YBX1: variants seen among roughly 807,000 people sequenced by gnomAD.
The protein encoded by YBX1 is Y-box binding protein 1, also known as Y-box-binding protein 1.
Under a neutral mutation model 41.4 loss-of-function variants are expected in YBX1, and 3 were observed. The observed-to-expected ratio is 0.07, with a 90% CI of 0.03 to 0.19. YBX1 has a LOEUF of 0.19. Among genes scored for constraint, YBX1 ranks in the 10% least tolerant of loss-of-function variants. YBX1 has a pLI of 1.00. For synonymous variants in YBX1, 133 were observed against 165.8 expected (o/e 0.80, Z 1.52); for missense variants, 274 against 462.8 (o/e 0.59, Z 3.74).
chr1:42,686,572 G>A (rs962090194), intron 2 of YBX1, among the ~76,000 whole-genome samples: 1 of 152,182 alleles, frequency 6.6e-6, no homozygotes, highest in Non-Finnish European at 1.5e-5. Flanking sequence ...AATAAACCAA[G>A]CCAGGGAAAG....
chr1:42,683,152 G>T, intron 1 of YBX1: 1 of 643,362 alleles, frequency 1.6e-6, no homozygotes, highest in Non-Finnish European at 2.8e-6. Flanking sequence ...CGTGCTCTCC[G>T]TCCGCGGCCT....
chr1:42,692,069 C>G (rs1650353550), intron 2 of YBX1, among the ~76,000 whole-genome samples: 2 of 152,204 alleles, frequency 1.3e-5, no homozygotes, highest in Admixed American at 1.3e-4. Flanking sequence ...CCAGGCTGAT[C>G]TTGAACTCTT....
intron 6 of YBX1, 33 bp from the exon 7 acceptor site, chr1:42,700,748 T>TA (rs1361819622): frequency 6.4e-7 from 1 of 1,574,428 alleles, no homozygotes; most frequent in African/African-American, 1.4e-5. Context: ...GAGAAGGTTT[T>TA]ATCATTCTTA....
chr1:42,688,274 T>A (rs1650246575), intron 2 of YBX1, among the ~76,000 whole-genome samples: 1 of 152,164 alleles, frequency 6.6e-6, no homozygotes, highest in Non-Finnish European at 1.5e-5. Flanking sequence ...GTTTGGAGAT[T>A]TGCAACAACC....
At chr1:42,683,155 C>T (rs563853666) in intron 1 of YBX1, 3 of 646,314 alleles carry the variant, frequency 4.6e-6, no homozygotes, top group East Asian at 6.4e-5. Context: ...GCTCTCCGTC[C>T]GCGGCCTGCG....
intron 2 of YBX1, among the ~76,000 whole-genome samples, chr1:42,683,778 G>C (rs1164598088): frequency 6.6e-6 from 1 of 152,158 alleles, no homozygotes. Context: ...GGGAAACTAC[G>C]GTCCAGTACA....
rs762672097 is a variant in YBX1, at chr1:42,683,406, C to T, written c.170C>T (p.Thr57Met). 6.2e-7 allele frequency: 1 copy of T among 1,614,178 alleles called. No homozygotes were observed. The highest frequency in any genetic ancestry group is 2.2e-5 in the East Asian group (1 of 44,884). Residue 57 changes from threonine to methionine, a missense_variant, in exon 2 of 8, where the codon ACG (threonine) becomes ATG (methionine). Thr to Met is a moderately conservative substitution (Grantham distance 81). This residue lies in a region of YBX1 where 84 missense variants were observed against 130.8 expected (regional missense o/e 0.64). Coordinates refer to ENST00000321358, the MANE Select transcript of YBX1 (RefSeq NM_004559.5). Reference sequence around the variant, plus strand: ...TTTGCTTTGTTTTCTTTTCCAGCAACGAAGGTTTTGGGAACAGTAAAATGG... The same window carrying T: ...TTTGCTTTGTTTTCTTTTCCAGCAATGAAGGTTTTGGGAACAGTAAAATGG... Reference protein sequence around the residue: ...PAGGDKKVIATKVLGTVKWFN... With the variant: ...PAGGDKKVIAMKVLGTVKWFN...
chr1:42,687,915 C>T (rs1322452605), intron 2 of YBX1, among the ~76,000 whole-genome samples: 3 of 152,168 alleles, frequency 2.0e-5, no homozygotes, highest in Non-Finnish European at 4.4e-5. Context: ...GGTTTAAAGA[C>T]TTTTCTGCAG....
chr1:42,683,104 A>G (rs1375151242), intron 1 of YBX1: 9 of 563,090 alleles, frequency 1.6e-5, no homozygotes, highest in Admixed American at 9.5e-5. Flanking sequence ...GGCGCGGCGC[A>G]CCGCCTACGC....
Position 42,682,577 on chromosome 1 carries a change from G to C in YBX1, c.12G>C (p.Glu4Asp), listed in dbSNP as rs928107101. The stretch of plus-strand genomic sequence containing the variant: ...CCATCACCGCAACCATGAGCAGCGA[G>C]GCCGAGACCCAGCAGCCGCCCGCCG... The part of the protein sequence containing the change: MSS[E>D]AETQQPPAAP... The change falls in exon 1 of 8, where the codon GAG becomes GAC. Residue 4 changes from glutamate (E) to aspartate (D), a missense_variant. Glu to Asp is a conservative substitution (Grantham distance 45). Coordinates refer to ENST00000321358, the MANE Select transcript of YBX1 (RefSeq NM_004559.5). 2.1e-6 allele frequency: 3 copies of C among 1,461,918 alleles called. No individual in the cohort carries two copies. The African/African-American group carries it at 4.4e-5, about 22-fold the overall frequency. 90.6% of individuals were successfully genotyped at this position (1,461,918 alleles called of 1,614,324 possible).
chr1:42,699,504 A>G (rs1482820356), intron 6 of YBX1, among the ~76,000 whole-genome samples: 2 of 151,318 alleles, frequency 1.3e-5, no homozygotes, highest in East Asian at 1.9e-4. Flanking sequence ...ATCTGGTTTG[A>G]TTTATCCAGA....
chr1:42,696,817 C>T lies in YBX1; in HGVS notation c.530C>T (p.Ala177Val), dbSNP rs754619915. Reference protein sequence around the residue: ...SGEKNEGSESAPEGQAQQRRP... With the variant: ...SGEKNEGSESVPEGQAQQRRP... ...GAAAAGAACGAGGGATCGGAGAGTG[C>T]TCCCGAAGGCCAGGCCCAACAACGC... Residue 177 changes from alanine to valine, a missense_variant, in exon 5 of 8, where the codon GCT (alanine) becomes GTT (valine). Ala to Val is a moderately conservative substitution (Grantham distance 64). Transcript: ENST00000321358. The surrounding 1 kb of genome is among the most constrained non-coding windows in gnomAD (Gnocchi z 5.7). The T allele has an allele frequency of 1.9e-6, 3 of 1,613,124 alleles. No homozygotes were observed. The South Asian group carries it at 3.3e-5, about 18-fold the overall frequency.
At chr1:42,683,874 A>G (rs1481411389) in intron 2 of YBX1, among the ~76,000 whole-genome samples, 1 of 152,100 alleles carries the variant, frequency 6.6e-6, no homozygotes, top group Non-Finnish European at 1.5e-5. Flanking sequence ...ATACATTGTT[A>G]ACGTTTTAGG....
chr1:42,683,704 G>A (rs879574132), intron 2 of YBX1, among the ~76,000 whole-genome samples: 14 of 152,208 alleles, frequency 9.2e-5, no homozygotes, highest in Admixed American at 8.5e-4. Flanking sequence ...AAAAGGCTTC[G>A]TCACAGTACA....
chr1:42,689,963 GTTA>G (rs1650289985), intron 2 of YBX1, among the ~76,000 whole-genome samples: 1 of 152,152 alleles, frequency 6.6e-6, no homozygotes. Flanking sequence ...AGTAATGTAA[GTTA>G]TTAAGTGTTT....
intron 6 of YBX1, among the ~76,000 whole-genome samples, chr1:42,699,237 A>T (rs557855320): frequency 3.3e-5 from 5 of 152,194 alleles, no homozygotes; most frequent in Admixed American, 2.0e-4. Context: ...ACAAGAATAC[A>T]TGGGCACGCA....
chr1:42,701,391 T>C (rs1022325988), intron 7 of YBX1, among the ~76,000 whole-genome samples: 1 of 152,220 alleles, frequency 6.6e-6, no homozygotes, highest in African/African-American at 2.4e-5. Flanking sequence ...CTGAGAAATA[T>C]GTTAATTACA....
chr1:42,689,276 CATT>C (rs1157959186), intron 2 of YBX1, among the ~76,000 whole-genome samples: 1 of 152,144 alleles, frequency 6.6e-6, no homozygotes, highest in Non-Finnish European at 1.5e-5. Context: ...GATAAGTGGA[CATT>C]ATTATCTTAC....
chr1:42,691,041 G>A (rs916931880), intron 2 of YBX1, among the ~76,000 whole-genome samples: 8 of 152,160 alleles, frequency 5.3e-5, no homozygotes, highest in African/African-American at 1.4e-4. Context: ...TAATATTTGA[G>A]GGTCTCTTTT....
Sources: allele counts gnomAD v4.1 joint callset (sites outside exome capture counted in the v4.1 genomes callset), GRCh38; gene constraint gnomAD v4.1.1; regional missense constraint gnomAD v4.1.1; non-coding constraint Gnocchi (gnomAD v3.1); transcripts MANE v1.5; gene names NCBI Gene and HGNC (gene_info 2026-07-23, HGNC 2026-07-21).